Variants in BCAT1 observed in about 807,000 individuals in gnomAD.
BCAT1 encodes the protein branched-chain-amino-acid aminotransferase, cytosolic.
In BCAT1, 48 loss-of-function variants were observed where a neutral mutation model predicts 52.4. The ratio of observed to expected loss-of-function variants is 0.92; its 90% CI spans 0.73 to 1.16. The LOEUF is 1.16. Ranked by LOEUF, BCAT1 falls within the 50% of genes most tolerant of loss-of-function variation. The pLI, the probability that BCAT1 is intolerant of heterozygous loss-of-function variation, is 0.00. For synonymous variants in BCAT1, 167 were observed against 161.3 expected, an observed-to-expected ratio of 1.04 and a Z score of -0.27; for missense variants, 451 against 457.1, an observed-to-expected ratio of 0.99 and a Z score of 0.12.
At chr12:24,878,379 T>C (rs1942403813) in intron 5 of BCAT1, 151 bp downstream of exon 5, 2 of 719,606 alleles carry the variant, frequency 2.8e-6, no homozygotes, top group Middle Eastern at 3.4e-4. Context: ...CAGAAAATGT[T>C]TGCTACCTCT....
chr12:24,855,921 C>G (rs1941666104), intron 5 of BCAT1, among the ~76,000 whole-genome samples: 1 of 152,114 alleles, frequency 6.6e-6, no homozygotes, highest in African/African-American at 2.4e-5. Flanking sequence ...AGCCACCACA[C>G]CTGGCCTGCT....
At chr12:24,925,302 C>T (rs899395823) in intron 1 of BCAT1, among the ~76,000 whole-genome samples, 8 of 152,128 alleles carry the variant, frequency 5.3e-5, no homozygotes, top group South Asian at 2.1e-4. Context: ...TTCAGACTCA[C>T]GACTGCAACA....
intron 1 of BCAT1, among the ~76,000 whole-genome samples, chr12:24,920,489 G>T (rs1943485819): frequency 6.6e-6 from 1 of 151,906 alleles, no homozygotes; most frequent in Non-Finnish European, 1.5e-5. Context: ...TATTTTTGGA[G>T]TGTTTCTACC....
chr12:24,828,869 G>C (rs959598911), intron 10 of BCAT1, among the ~76,000 whole-genome samples: 1 of 151,806 alleles, frequency 6.6e-6, no homozygotes, highest in South Asian at 2.1e-4. Context: ...AGCCGGGAAC[G>C]GTGGCATGAG....
At chr12:24,823,201 G>A (rs1174500785) in intron 10 of BCAT1, among the ~76,000 whole-genome samples, 2 of 151,492 alleles carry the variant, frequency 1.3e-5, no homozygotes, top group African/African-American at 4.9e-5. Flanking sequence ...ACAGACATGT[G>A]ACACCATGCC....
intron 7 of BCAT1, 60 bp from the exon 8 acceptor site, chr12:24,836,656 C>T: frequency 7.4e-7 from 1 of 1,346,006 alleles, no homozygotes; most frequent in Non-Finnish European, 1.0e-6. Flanking sequence ...GCCTTATTAT[C>T]AATAGCCATT....
chr12:24,881,462 C>T (rs1483736150), intron 3 of BCAT1, 51 bp from the exon 4 acceptor site: 11 of 1,254,138 alleles, frequency 8.8e-6, no homozygotes, highest in Admixed American at 3.5e-5. Flanking sequence ...GAAAACAACC[C>T]GTGTTCAAGA....
rs955644449 is a variant in BCAT1, at chr12:24,812,310, T to C, written c.*5698A>G. The C allele has an allele frequency of 2.2e-5, 2 of 91,506 alleles. No homozygotes were observed. The highest frequency in any genetic ancestry group is 8.5e-5 in the African/African-American group (2 of 23,662). The allele number at this position is 91,506 out of a possible 1,614,324, so 5.7% of individuals were successfully genotyped here. A position where few individuals can be genotyped will look rare whatever the true frequency, so the allele number is the denominator to read the frequency against. On this transcript the variant is annotated 3_prime_UTR_variant, in exon 11 of 11. Transcript: ENST00000261192. ...TCAGGATAGGAGATAGTAAATAGTATCTCTAAGGGAAAAAAGTCACAATCT... is the reference window on the plus strand; with the variant it reads ...TCAGGATAGGAGATAGTAAATAGTACCTCTAAGGGAAAAAAGTCACAATCT...
Position 24,849,913 on chromosome 12 carries a change from GC to G in BCAT1, c.546del (p.Leu183SerfsTer5). ...SLGVKKPTKALLFVLLSPVGP... is the reference protein window; with the variant it reads ...SLGVKKPTKAXLFVLLSPVGP... ...CCCACTGGGCTCAAGAGTACAAAGAGCAGGGCTTTGGTAGGCTTCTTGACTC... is the reference window on the plus strand; with the variant it reads ...CCCACTGGGCTCAAGAGTACAAAGAGAGGGCTTTGGTAGGCTTCTTGACTC... On this transcript the variant is annotated frameshift_variant, in exon 6 of 11. Coordinates refer to ENST00000261192, the MANE Select transcript of BCAT1 (RefSeq NM_005504.7). LOFTEE classifies it high-confidence loss of function. 1 of 1,612,884 alleles carries G rather than the reference GC, an allele frequency of 6.2e-7. No homozygotes were observed. Among genetic ancestry groups the G allele is most frequent in the Non-Finnish European group, 8.5e-7 (1 of 1,179,140 alleles).
intron 1 of BCAT1, among the ~76,000 whole-genome samples, chr12:24,943,850 G>A (rs953696414): frequency 1.2e-4 from 18 of 152,212 alleles, no homozygotes; most frequent in South Asian, 4.2e-4. Flanking sequence ...CGGGCGTGGT[G>A]GCGGGCGCCT....
intron 1 of BCAT1, among the ~76,000 whole-genome samples, chr12:24,932,355 C>G (rs1943687927): frequency 6.6e-6 from 1 of 152,160 alleles, no homozygotes; most frequent in Non-Finnish European, 1.5e-5. Context: ...ATTTGCTGTT[C>G]CATATGCATG....
At chr12:24,904,513 T>G (rs949133380) in intron 1 of BCAT1, 2 of 152,378 alleles carry the variant, frequency 1.3e-5, no homozygotes, top group Non-Finnish European at 2.9e-5. Context: ...TCCATCTGTA[T>G]TAACTGCTTC....
intron 1 of BCAT1, among the ~76,000 whole-genome samples, chr12:24,905,897 C>T (rs1030386071): frequency 8.6e-5 from 13 of 150,312 alleles, no homozygotes; most frequent in East Asian, 5.8e-4. Context: ...AACCCACATA[C>T]GAGATGATCC....
chr12:24,889,410 T>C (rs1449470619), intron 3 of BCAT1, among the ~76,000 whole-genome samples: 2 of 152,224 alleles, frequency 1.3e-5, no homozygotes, highest in Non-Finnish European at 2.9e-5. Context: ...TTCCATGAAA[T>C]GGCCGAACAA....
intron 8 of BCAT1, among the ~76,000 whole-genome samples, chr12:24,835,080 A>C (rs1248029753): frequency 2.6e-5 from 4 of 152,238 alleles, no homozygotes; most frequent in Admixed American, 6.5e-5. Flanking sequence ...CTTGTCGTCG[A>C]ACCTTCTGTA....
intron 7 of BCAT1, among the ~76,000 whole-genome samples, 193 bp from the exon 8 acceptor site, chr12:24,836,789 AGAAGGAAGGAAG>A (rs1565454170): frequency 7.6e-6 from 1 of 131,314 alleles, no homozygotes; most frequent in Non-Finnish European, 1.8e-5. Flanking sequence ...AAAAGAAGAA[AGAAGGAAGGAAG>A]GAAAGAAGGA....
rs981306447 is a variant in BCAT1, at chr12:24,817,949, C to A, written c.*59G>T. 4.6e-6 allele frequency: 7 copies of A among 1,527,664 alleles called. No homozygotes were observed. In the African/African-American group the frequency reaches 8.2e-5, roughly 18 times the overall value. 94.6% of individuals were successfully genotyped at this position (1,527,664 alleles called of 1,614,324 possible). On this transcript the variant is annotated 3_prime_UTR_variant, in exon 11 of 11. Coordinates refer to ENST00000261192, the MANE Select transcript of BCAT1 (RefSeq NM_005504.7). ...TCTATCACAATTCAAATGCAACAGT[C>A]TGTCCCAGTAGCATACAGTTGGTAT...
At chr12:24,838,749 T>C (rs901712796) in intron 7 of BCAT1, among the ~76,000 whole-genome samples, 6 of 152,176 alleles carry the variant, frequency 3.9e-5, no homozygotes, top group African/African-American at 1.4e-4. Flanking sequence ...GTGAGAAATA[T>C]TCATTTTCCT....
At chr12:24,926,778 T>A (rs1943594587) in intron 1 of BCAT1, among the ~76,000 whole-genome samples, 1 of 152,158 alleles carries the variant, frequency 6.6e-6, no homozygotes, top group South Asian at 2.1e-4. Context: ...TTAAGAGTCA[T>A]CACCACTCCC....
Sources: gnomAD v4.1 joint callset for allele counts (sites outside exome capture counted in the v4.1 genomes callset) on GRCh38, gnomAD v4.1.1 for gene constraint, MANE v1.5 for transcripts, NCBI Gene and HGNC (gene_info 2026-07-23, HGNC 2026-07-21) for gene names.